The following DNAJC10 variants were observed in gnomAD, a reference collection of about 807,000 sequenced individuals.
DNAJC10 encodes endoplasmic reticulum disulfide reductase DNAJC10.
In DNAJC10, 101 loss-of-function variants were observed where a neutral mutation model predicts 115.0. That is an observed-to-expected ratio of 0.88 (90% CI 0.75 to 1.04). DNAJC10 has a LOEUF of 1.04. DNAJC10 is among the 50% of genes least tolerant of loss of function. The pLI, the probability that DNAJC10 is intolerant of heterozygous loss-of-function variation, is 0.00. For missense variants in DNAJC10, 981 were observed against 928.8 expected (o/e 1.06, Z -0.73); for synonymous variants, 307 against 301.5 (o/e 1.02, Z -0.19).
In DNAJC10 at chr2:182,758,820, AT is replaced by A; in HGVS notation, c.1944-11del. ...ATAGAGAATCCTATTTACAACTAAC[AT>A]TTTTTCTTCTCTCAGCAGTTACAAT... is the stretch of plus-strand genomic sequence containing the variant. On this transcript the variant is annotated splice_polypyrimidine_tract_variant and intron_variant, in intron 19 of 23. Transcript: ENST00000264065. The A allele has an allele frequency of 6.3e-7, 1 of 1,589,830 alleles. No individual in the cohort carries two copies. The highest frequency in any genetic ancestry group is 1.1e-5 in the South Asian group (1 of 90,330).
chr2:182,729,307 T>C (rs529297025), intron 7 of DNAJC10, among the ~76,000 whole-genome samples: 1 of 152,056 alleles, frequency 6.6e-6, no homozygotes, highest in South Asian at 2.1e-4. Context: ...CGCTCCCATG[T>C]CTGGCTAATT....
rs536132456 is a variant in DNAJC10, at chr2:182,794,404, C to T, written c.*17272C>T. The T allele has an allele frequency of 3.6e-4, 55 of 152,264 alleles. No individual in the cohort carries two copies. Among genetic ancestry groups the T allele is most frequent in the African/African-American group, 1.3e-3 (52 of 41,556 alleles). The allele number at this position is 152,264 out of a possible 1,614,324, so 9.4% of individuals were successfully genotyped here. On this transcript the variant is annotated 3_prime_UTR_variant, in exon 24 of 24. Transcript: ENST00000264065. ...GATTTGATTCTACTGTTTGTCTTTGCAGTGAGCTATGTTTTTTTATAACAT... is the reference window on the plus strand; with the variant it reads ...GATTTGATTCTACTGTTTGTCTTTGTAGTGAGCTATGTTTTTTTATAACAT...
In DNAJC10 at chr2:182,730,590, T is replaced by G. The variant is rs575291973; in HGVS notation, c.728-440T>G. ...CCCAGTTGGGGAAAAGAGAAAGAGTTAGAAAATACTTCTTGAAAGAAGTCA... is the reference window on the plus strand; with the variant it reads ...CCCAGTTGGGGAAAAGAGAAAGAGTGAGAAAATACTTCTTGAAAGAAGTCA... On this transcript the variant is annotated intron_variant, in intron 8 of 23. Transcript: ENST00000264065. The G allele has an allele frequency of 3.5e-4, 158 of 449,960 alleles. 1 individual carries two copies. Among genetic ancestry groups the G allele is most frequent in the South Asian group, 2.5e-3 (158 of 63,122 alleles). The allele number at this position is 449,960 out of a possible 1,614,324, so 27.9% of individuals were successfully genotyped here. A position where few individuals can be genotyped will look rare whatever the true frequency, so the allele number is the denominator to read the frequency against.
rs1194659401 is a variant in DNAJC10 at position 182,751,777 on chromosome 2, T to C, written c.1426T>C (p.Phe476Leu). ...CAAAGAACCATGGCTTGTTGATTTC[T>C]TTGCCCCCGTAAGTTATTTTTATCT... Reference protein sequence around the residue: ...NDKEPWLVDFFAPWCPPCRAL... With the variant: ...NDKEPWLVDFLAPWCPPCRAL... The change falls in exon 15 of 24, where the codon TTT becomes CTT. Residue 476 changes from phenylalanine (F) to leucine (L), a missense_variant. Phe to Leu is a conservative substitution (Grantham distance 22). Coordinates refer to ENST00000264065, the MANE Select transcript of DNAJC10 (RefSeq NM_018981.4). 6.2e-7 allele frequency: 1 copy of C among 1,612,838 alleles called. No individual in the cohort carries two copies. Among genetic ancestry groups the C allele is most frequent in the East Asian group, 2.2e-5 (1 of 44,886 alleles).
chr2:182,722,782 A>T (rs1188445788), intron 5 of DNAJC10, among the ~76,000 whole-genome samples: 2 of 152,162 alleles, frequency 1.3e-5, no homozygotes, highest in East Asian at 1.9e-4. Flanking sequence ...TCTACTAAAA[A>T]TACAAAAATT....
chr2:182,777,251 T>A lies in DNAJC10; in HGVS notation c.*119T>A. ...ATGAACATTATCTTAGACTTGCAGT[T>A]GTACTGCCAGAATTATCTACAGCAC... On this transcript the variant is annotated 3_prime_UTR_variant, in exon 24 of 24. Transcript: ENST00000264065. 1.6e-6 allele frequency: 1 copy of A among 611,530 alleles called. No homozygotes were observed. The highest frequency in any genetic ancestry group is 2.6e-6 in the Non-Finnish European group (1 of 390,988). The allele number at this position is 611,530 out of a possible 1,614,324, so 37.9% of individuals were successfully genotyped here. A position where few individuals can be genotyped will look rare whatever the true frequency, so the allele number is the denominator to read the frequency against.
intron 15 of DNAJC10, 124 bp from the exon 16 acceptor site, chr2:182,751,948 C>T: frequency 8.4e-7 from 1 of 1,188,014 alleles, no homozygotes. Context: ...TGTAATTACT[C>T]CTCCAGGGAA....
chr2:182,717,117 AAC>A (rs1270615243), intron 2 of DNAJC10, 45 bp downstream of exon 2: 3 of 152,254 alleles, frequency 2.0e-5, no homozygotes, highest in Non-Finnish European at 4.4e-5. Flanking sequence ...TTAAATGAAA[AAC>A]AGAAATGAGG....
Position 182,735,292 on chromosome 2 carries a change from AC to A in DNAJC10, c.850-955del, listed in dbSNP as rs373215195. Reference sequence around the variant, plus strand: ...AGTACTAAACAGAAATTATTTTACTACCTCTGAAACTTTGCTGTTATGTATT... The same window carrying A: ...AGTACTAAACAGAAATTATTTTACTACTCTGAAACTTTGCTGTTATGTATT... On this transcript the variant is annotated intron_variant, in intron 10 of 23. Transcript: ENST00000264065. Among the ~76,000 whole-genome samples, 6 of 151,868 alleles carry A rather than the reference AC, an allele frequency of 4.0e-5. No individual in the cohort carries two copies. The South Asian group carries it at 1.2e-3, about 32-fold the overall frequency.
intron 11 of DNAJC10, 157 bp from the exon 12 acceptor site, chr2:182,740,141 AC>A (rs1344806832): frequency 5.7e-5 from 66 of 1,161,514 alleles, no homozygotes; most frequent in Non-Finnish European, 7.3e-5. Flanking sequence ...GCCAAAATAC[AC>A]TTTTTTTGAA....
At chr2:182,741,136 G>T in intron 12 of DNAJC10, 107 bp from the exon 13 acceptor site, 1 of 690,786 alleles carries the variant, frequency 1.4e-6, no homozygotes. Flanking sequence ...ACAGTATTTT[G>T]AAATAATGGG....
At chr2:182,723,295 G>A (rs916967431) in intron 5 of DNAJC10, among the ~76,000 whole-genome samples, 3 of 151,918 alleles carry the variant, frequency 2.0e-5, no homozygotes, top group Non-Finnish European at 2.9e-5. Flanking sequence ...ATCCACCCAC[G>A]TTGGCCTCCC....
intron 10 of DNAJC10, among the ~76,000 whole-genome samples, chr2:182,732,910 G>A (rs1693488206): frequency 6.6e-6 from 1 of 151,898 alleles, no homozygotes; most frequent in South Asian, 2.1e-4. Context: ...AGTAGCCTGA[G>A]TGATGTTGAT....
chr2:182,725,704 A>G (rs1345042125), intron 5 of DNAJC10, among the ~76,000 whole-genome samples: 1 of 152,224 alleles, frequency 6.6e-6, no homozygotes, highest in Non-Finnish European at 1.5e-5. Context: ...TAAAGAAAAC[A>G]GCCATCTCCA....
At chr2:182,756,526 C>T in intron 18 of DNAJC10, 57 bp downstream of exon 18, 1 of 1,520,258 alleles carries the variant, frequency 6.6e-7, no homozygotes, top group Non-Finnish European at 9.0e-7. Flanking sequence ...GTTTATTTAA[C>T]AGAATTATTT....
Position 182,779,888 on chromosome 2 carries a change from T to C in DNAJC10, c.*2756T>C, listed in dbSNP as rs978729177. 1.3e-5 allele frequency: 2 copies of C among 152,166 alleles called. No individual in the cohort carries two copies. The highest frequency in any genetic ancestry group is 2.9e-5 in the Non-Finnish European group (2 of 68,030). The allele number at this position is 152,166 out of a possible 1,614,324, so 9.4% of individuals were successfully genotyped here. ...GTAAAAGGGTAGCACTTTTAAGTCA[T>C]TTGAATAGAATATTTGTGTAATATT... On this transcript the variant is annotated 3_prime_UTR_variant, in exon 24 of 24. Transcript: ENST00000264065.
At position 182,789,774 on chromosome 2, in the gene DNAJC10, T is replaced by A. The variant is rs1359293143; in HGVS notation, c.*12642T>A. 2 of 152,132 alleles carry A rather than the reference T, an allele frequency of 1.3e-5. No homozygotes were observed. The highest frequency in any genetic ancestry group is 4.8e-5 in the African/African-American group (2 of 41,424). The allele number at this position is 152,132 out of a possible 1,614,324, so 9.4% of individuals were successfully genotyped here. On this transcript the variant is annotated 3_prime_UTR_variant, in exon 24 of 24. Transcript: ENST00000264065. ...ACTGTTTTTCATAGCAGCTGCACCA[T>A]TTTACATTCCCACCAATAGTGCACA...
In DNAJC10 at chr2:182,793,394, G is replaced by T. The variant is rs1054543378; in HGVS notation, c.*16262G>T. ...TTCCAGAACCAAAAAGAAGATCCTG[G>T]TAAAAGAGAAACTTTCAGCAAAATA... is the stretch of plus-strand genomic sequence containing the variant. On this transcript the variant is annotated 3_prime_UTR_variant, in exon 24 of 24. Transcript: ENST00000264065. 1.3e-5 allele frequency: 2 copies of T among 152,120 alleles called. No homozygotes were observed. Among genetic ancestry groups the T allele is most frequent in the African/African-American group, 4.8e-5 (2 of 41,416 alleles). 9.4% of individuals were successfully genotyped at this position (152,120 alleles called of 1,614,324 possible).
chr2:182,747,458 G>T (rs1308470207), intron 14 of DNAJC10, among the ~76,000 whole-genome samples: 2 of 104,784 alleles, frequency 1.9e-5, no homozygotes, highest in East Asian at 4.7e-4. Flanking sequence ...TCCCTTGTAA[G>T]TTGGATTCCT....
Sources: allele counts gnomAD v4.1 joint callset (sites outside exome capture counted in the v4.1 genomes callset), GRCh38; gene constraint gnomAD v4.1.1; transcripts MANE v1.5; gene names NCBI Gene and HGNC (gene_info 2026-07-23, HGNC 2026-07-21).